The following EDEM2 variants were observed in gnomAD, a reference collection of about 807,000 sequenced individuals.
EDEM2 encodes ER degradation-enhancing alpha-mannosidase-like protein 2.
Under a neutral mutation model 64.8 loss-of-function variants are expected in EDEM2, and 39 were observed. The ratio of observed to expected loss-of-function variants is 0.60; its 90% CI spans 0.47 to 0.79. EDEM2 has a LOEUF of 0.79. Among genes scored for constraint, EDEM2 ranks in the 30% least tolerant of loss-of-function variants. EDEM2 has a pLI of 0.00. For missense variants in EDEM2, 609 were observed against 731.3 expected (o/e 0.83, Z 1.93); for synonymous variants, 296 against 291.5 (o/e 1.02, Z -0.16).
rs765949208 is a variant in EDEM2, at chr20:35,115,760, C to T, written c.1410G>A (p.Gly470=). 8 of 1,614,018 alleles carry T rather than the reference C, an allele frequency of 5.0e-6. No homozygotes were observed. The highest frequency in any genetic ancestry group is 1.6e-4 in the Middle Eastern group (1 of 6,084). The change falls in exon 11 of 11, where the codon GGG becomes GGA. Residue 470 remains glycine (G), a synonymous_variant. Coordinates refer to ENST00000374492, the MANE Select transcript of EDEM2 (RefSeq NM_018217.3). Reference sequence around the variant, plus strand: ...GGTGAGCTTCTGTGTTGAAGATGTACCCCCCAGCCCCCAGGATGCACTCCC... The same window carrying T: ...GGTGAGCTTCTGTGTTGAAGATGTATCCCCCAGCCCCCAGGATGCACTCCC... ...PYGECILGAG[G]YIFNTEAHPI... is the part of the protein sequence containing the mutation.
At position 35,141,515 on chromosome 20, in the gene EDEM2, C is replaced by T. The variant is rs375108133; in HGVS notation, c.364+858G>A. ...ACCAGGATTTTAGACCATGTTGTCC[C>T]TCTGCTCTCTTCTCTTTTTTAATCT... On this transcript the variant is annotated intron_variant, in intron 4 of 10. Coordinates refer to ENST00000374492, the MANE Select transcript of EDEM2 (RefSeq NM_018217.3). Among the ~76,000 whole-genome samples, 43 of 152,320 alleles carry T rather than the reference C, an allele frequency of 2.8e-4. 1 individual carries two copies. Among genetic ancestry groups the T allele is most frequent in the Admixed American group, 1.2e-3 (18 of 15,290 alleles).
intron 7 of EDEM2, among the ~76,000 whole-genome samples, chr20:35,126,730 C>T (rs768797174): frequency 4.6e-5 from 7 of 152,106 alleles, no homozygotes; most frequent in Non-Finnish European, 5.9e-5. Flanking sequence ...CTGACCAACA[C>T]GGAGAAACCC....
At chr20:35,141,853 A>G (rs1038419288) in intron 4 of EDEM2, among the ~76,000 whole-genome samples, 1 of 152,238 alleles carries the variant, frequency 6.6e-6, no homozygotes, top group Non-Finnish European at 1.5e-5. Context: ...GCACTGTCCA[A>G]TACAATAATC....
intron 5 of EDEM2, among the ~76,000 whole-genome samples, chr20:35,137,128 T>C (rs994094666): frequency 6.6e-6 from 1 of 152,022 alleles, no homozygotes; most frequent in Admixed American, 6.6e-5. Context: ...AACCAAACTG[T>C]GGAGAGAGGC....
At chr20:35,117,505 A>C (rs1333633706) in intron 10 of EDEM2, among the ~76,000 whole-genome samples, 1 of 152,224 alleles carries the variant, frequency 6.6e-6, no homozygotes, top group Non-Finnish European at 1.5e-5. Flanking sequence ...GGAAGGCCCC[A>C]GTGGGCTTAT....
intron 4 of EDEM2, among the ~76,000 whole-genome samples, chr20:35,139,208 GGC>G (rs2085618031): frequency 6.6e-6 from 1 of 152,120 alleles, no homozygotes; most frequent in Admixed American, 6.5e-5. Flanking sequence ...ATATTAGCTG[GGC>G]GTGGTGGCAA....
chr20:35,130,711 T>A lies in EDEM2; in HGVS notation c.844+931A>T, dbSNP rs1451675558. ...TTTTCAGACTGCAGTTGACCATGGA[T>A]AACTGAAACCATGGAAATCAAAACT... On this transcript the variant is annotated intron_variant, in intron 7 of 10. Transcript: ENST00000374492. 7.2e-5 allele frequency among the ~76,000 whole-genome samples: 11 copies of A among 152,262 alleles called. No homozygotes were observed. The South Asian group carries it at 1.9e-3, about 26-fold the overall frequency.
In EDEM2 at chr20:35,123,967, A is replaced by G. The variant is rs367637666; in HGVS notation, c.1037T>C (p.Phe346Ser). Residue 346 changes from phenylalanine (F) to serine (S), a missense_variant, in exon 9 of 11, where the codon TTT (phenylalanine) becomes TCT (serine). Physicochemically the swap from Phe to Ser is radical, Grantham distance 155 (BLOSUM62 -2). Coordinates refer to ENST00000374492, the MANE Select transcript of EDEM2 (RefSeq NM_018217.3). ...GTTGTAGAATTCCGGGAGCCCCCCA[A>G]ACTGCTTCCATACAGTGTAGTAGTT... is the stretch of plus-strand genomic sequence containing the variant. ...FLNYYTVWKQFGGLPEFYNIP... is the reference protein window; with the variant it reads ...FLNYYTVWKQSGGLPEFYNIP... 1.2e-5 allele frequency: 19 copies of G among 1,614,012 alleles called. No homozygotes were observed. Among genetic ancestry groups the G allele is most frequent in the Non-Finnish European group, 1.4e-5 (16 of 1,180,018 alleles).
intron 4 of EDEM2, among the ~76,000 whole-genome samples, chr20:35,138,593 T>C (rs1487385648): frequency 2.0e-5 from 3 of 151,864 alleles, no homozygotes; most frequent in Non-Finnish European, 4.4e-5. Flanking sequence ...TTTTTTTTTT[T>C]TTTTGAGACG....
intron 7 of EDEM2, among the ~76,000 whole-genome samples, chr20:35,127,230 T>C (rs1377019109): frequency 6.6e-6 from 1 of 152,222 alleles, no homozygotes; most frequent in Non-Finnish European, 1.5e-5. Context: ...CCATTAAACC[T>C]CTTTTTCTTT....
chr20:35,129,276 G>T (rs532557469), intron 7 of EDEM2, among the ~76,000 whole-genome samples: 228 of 152,174 alleles, frequency 1.5e-3, no homozygotes, highest in African/African-American at 5.0e-3. Flanking sequence ...GCATGGCAGC[G>T]TGCACCTGTA....
chr20:35,124,572 T>G (rs1320359371), intron 8 of EDEM2, among the ~76,000 whole-genome samples: 2 of 152,040 alleles, frequency 1.3e-5, no homozygotes, highest in East Asian at 3.9e-4. Flanking sequence ...CTCACTTTGT[T>G]GCCCAGGCTG....
intron 10 of EDEM2, among the ~76,000 whole-genome samples, chr20:35,116,787 T>A (rs1002351359): frequency 6.6e-6 from 1 of 151,954 alleles, no homozygotes; most frequent in African/African-American, 2.4e-5. Flanking sequence ...TTCAGATGAT[T>A]ACCAAGTTTT....
At position 35,142,371 on chromosome 20, in the gene EDEM2, A is replaced by G. The variant is rs771952256; in HGVS notation, c.364+2T>C. On this transcript the variant is annotated splice_donor_variant, in intron 4 of 10. Coordinates refer to ENST00000374492, the MANE Select transcript of EDEM2 (RefSeq NM_018217.3). LOFTEE classifies it high-confidence loss of function. ...TTAAAGGTCCTAGAGAGCAGCCCTT[A>G]CCTCGAATGTTTGTTTCAAACACAG... The G allele has an allele frequency of 6.2e-7, 1 of 1,611,642 alleles. No homozygotes were observed. Among genetic ancestry groups the G allele is most frequent in the South Asian group, 1.1e-5 (1 of 91,014 alleles).
intron 9 of EDEM2, among the ~76,000 whole-genome samples, chr20:35,120,216 C>T (rs893319110): frequency 6.6e-6 from 1 of 152,176 alleles, no homozygotes; most frequent in African/African-American, 2.4e-5. Flanking sequence ...GCATGCGCCA[C>T]CAGCCCTGAC....
intron 5 of EDEM2, among the ~76,000 whole-genome samples, chr20:35,135,781 T>C (rs554282097): frequency 1.3e-5 from 2 of 152,324 alleles, no homozygotes; most frequent in East Asian, 3.9e-4. Flanking sequence ...AAACCACGGA[T>C]ATAGTATGAC....
At chr20:35,144,513 T>C (rs2085702287) in intron 3 of EDEM2, among the ~76,000 whole-genome samples, 1 of 152,046 alleles carries the variant, frequency 6.6e-6, no homozygotes, top group Non-Finnish European at 1.5e-5. Flanking sequence ...TTTTGTATTT[T>C]AATAGAGATG....
At chr20:35,124,061 G>A (rs1391907422) in intron 8 of EDEM2, 27 bp from the exon 9 acceptor site, 1 of 1,605,706 alleles carries the variant, frequency 6.2e-7, no homozygotes, top group South Asian at 1.1e-5. Context: ...CTGTCAGGCA[G>A]GTAGACACCA....
chr20:35,123,774 C>T, intron 9 of EDEM2, 116 bp downstream of exon 9: 1 of 1,334,656 alleles, frequency 7.5e-7, no homozygotes, highest in Non-Finnish European at 1.0e-6. Flanking sequence ...CTGAAAGGAA[C>T]AGATGGAAAG....
Sources: gnomAD v4.1 joint callset for allele counts (sites outside exome capture counted in the v4.1 genomes callset) on GRCh38, gnomAD v4.1.1 for gene constraint, MANE v1.5 for transcripts, NCBI Gene and HGNC (gene_info 2026-07-23, HGNC 2026-07-21) for gene names.